DCDC2C: variants seen among roughly 807,000 people sequenced by gnomAD.
DCDC2C encodes the protein doublecortin domain containing 2C, also known as doublecortin domain-containing protein 2C.
DCDC2C carries 44 observed loss-of-function variants against 45.0 expected under a neutral mutation model. The observed-to-expected ratio is 0.98, with a 90% confidence interval of 0.77 to 1.26. The LOEUF (loss-of-function observed/expected upper bound fraction) is 1.26. DCDC2C is among the 50% of genes most tolerant of loss of function. The pLI, the probability that DCDC2C is intolerant of heterozygous loss-of-function variation, is 0.00. For synonymous variants in DCDC2C, 187 were observed against 178.8 expected, an observed-to-expected ratio of 1.05 and a Z score of -0.37; for missense variants, 447 against 468.9, an observed-to-expected ratio of 0.95 and a Z score of 0.43.
intron 1 of DCDC2C, 51 bp downstream of exon 1, chr2:3,704,089 G>A (rs1419031430): frequency 1.6e-6 from 2 of 1,229,104 alleles, no homozygotes; most frequent in Admixed American, 4.2e-5. Context: ...CCGCCCTCTT[G>A]GGTCTGAGCG....
chr2:3,742,376 T>G (rs1385078382), intron 4 of DCDC2C, among the ~76,000 whole-genome samples: 1 of 152,160 alleles, frequency 6.6e-6, no homozygotes, highest in East Asian at 1.9e-4. Flanking sequence ...GTTGGTATAA[T>G]GAGGCCTCTC....
At chr2:3,812,318 T>C (rs961815262) in intron 10 of DCDC2C, among the ~76,000 whole-genome samples, 2 of 152,116 alleles carry the variant, frequency 1.3e-5, no homozygotes, top group African/African-American at 4.8e-5. Context: ...TCAGAGCATG[T>C]ATGTGTCTAG....
In DCDC2C at chr2:3,769,308, C is replaced by T. The variant is rs956364304; in HGVS notation, c.854-3C>T. The T allele has an allele frequency of 4.5e-6, 7 of 1,549,050 alleles. No individual in the cohort carries two copies. The African/African-American group carries it at 8.2e-5, about 18-fold the overall frequency. The stretch of plus-strand genomic sequence containing the variant: ...AAAGTTTGTCTGTGTGATTTTCTCC[C>T]AGAAGGTGACGTGTATAAAGCACCG... On this transcript the variant is annotated splice_polypyrimidine_tract_variant and splice_region_variant and intron_variant, in intron 7 of 10. Coordinates refer to ENST00000399143, the MANE Select transcript of DCDC2C (RefSeq NM_001287444.2).
Position 3,719,415 on chromosome 2 carries a change from C to T in DCDC2C, c.340-7588C>T, listed in dbSNP as rs545614505. 4.6e-5 allele frequency among the ~76,000 whole-genome samples: 7 copies of T among 152,328 alleles called. No homozygotes were observed. In the East Asian group the frequency reaches 7.7e-4, roughly 17 times the overall value. The stretch of plus-strand genomic sequence containing the variant: ...TTTTCATTTTCCAGGGGCTCTTTCC[C>T]GCTGCCTCCCAAGCCTCTGGCTGTC... On this transcript the variant is annotated intron_variant, in intron 2 of 10. Coordinates refer to ENST00000399143, the MANE Select transcript of DCDC2C (RefSeq NM_001287444.2).
intron 6 of DCDC2C, among the ~76,000 whole-genome samples, chr2:3,758,074 A>G (rs1669771110): frequency 6.6e-6 from 1 of 152,236 alleles, no homozygotes; most frequent in South Asian, 2.1e-4. Flanking sequence ...TACTGATGGA[A>G]TAAATTGTAT....
rs578242913 is a variant in DCDC2C at position 3,815,288 on chromosome 2, T to A, written c.1065+30188T>A. ...TTTGCTGGTGGGGAGGGGGCTCCCCTGCCCTGTGTGGCTCTCAGGTGAGCC... is the reference window on the plus strand; with the variant it reads ...TTTGCTGGTGGGGAGGGGGCTCCCCAGCCCTGTGTGGCTCTCAGGTGAGCC... On this transcript the variant is annotated intron_variant, in intron 10 of 10. Coordinates refer to ENST00000399143, the MANE Select transcript of DCDC2C (RefSeq NM_001287444.2). Among the ~76,000 whole-genome samples the A allele has an allele frequency of 2.0e-5, 3 of 152,336 alleles. No individual in the cohort carries two copies. In the South Asian group the frequency reaches 6.2e-4, roughly 32 times the overall value.
At chr2:3,811,616 A>C (rs1230823021) in intron 10 of DCDC2C, among the ~76,000 whole-genome samples, 1 of 152,082 alleles carries the variant, frequency 6.6e-6, no homozygotes, top group Admixed American at 6.6e-5. Flanking sequence ...CCAATACTAT[A>C]TTGAATAGAA....
chr2:3,709,019 C>T (rs1050764198), intron 2 of DCDC2C, among the ~76,000 whole-genome samples: 1 of 152,168 alleles, frequency 6.6e-6, no homozygotes, highest in Non-Finnish European at 1.5e-5. Context: ...TTTATTAGGT[C>T]TACAGGACAG....
chr2:3,771,416 C>T (rs551530683), intron 8 of DCDC2C, among the ~76,000 whole-genome samples: 91 of 152,354 alleles, frequency 6.0e-4, no homozygotes, highest in African/African-American at 2.1e-3. Context: ...TTGCCCAAAC[C>T]GCGTTCTGCA....
intron 10 of DCDC2C, among the ~76,000 whole-genome samples, chr2:3,806,302 CTCCT>C (rs1304182122): frequency 1.3e-5 from 2 of 152,232 alleles, no homozygotes; most frequent in East Asian, 3.8e-4. Context: ...GTTTTGGTCT[CTCCT>C]CTCCCTGGAA....
intron 10 of DCDC2C, among the ~76,000 whole-genome samples, chr2:3,836,340 C>A (rs1262678411): frequency 6.6e-6 from 1 of 152,156 alleles, no homozygotes; most frequent in Admixed American, 6.5e-5. Context: ...TAAGGGAAGA[C>A]TGAGAAGCTG....
rs982304517 is a variant in DCDC2C, at chr2:3,725,786, C to T, written c.340-1217C>T. Among the ~76,000 whole-genome samples the T allele has an allele frequency of 5.3e-5, 8 of 150,508 alleles. 1 individual carries two copies. The South Asian group carries it at 1.5e-3, about 28-fold the overall frequency. ...GTGATGAGGGTGGCCAGGTGGATCC[C>T]GGAGGGAGATGAGTAGAGAGTGATA... On this transcript the variant is annotated intron_variant, in intron 2 of 10. Coordinates refer to ENST00000399143, the MANE Select transcript of DCDC2C (RefSeq NM_001287444.2).
At position 3,703,867 on chromosome 2, in the gene DCDC2C, G is replaced by C; in HGVS notation, c.116G>C (p.Arg39Pro). The change falls in exon 1 of 11, where the codon CGC (arginine) becomes CCC (proline). Residue 39 changes from arginine to proline, a missense_variant. Transcript: ENST00000399143. This position sits in a 1 kb window ranked among gnomAD's most constrained non-coding sequence, Gnocchi z 4.4. ...VGKKFVLSRR[R>P]AATFEALLEQ... ...AAGAAGTTCGTGCTGTCGCGGCGCC[G>C]CGCGGCCACCTTCGAGGCGCTGCTG... is the stretch of plus-strand genomic sequence containing the variant. The C allele has an allele frequency of 7.7e-7, 1 of 1,292,868 alleles. No individual in the cohort carries two copies. Among genetic ancestry groups the C allele is most frequent in the Non-Finnish European group, 9.8e-7 (1 of 1,015,644 alleles). 80.1% of individuals were successfully genotyped at this position (1,292,868 alleles called of 1,614,324 possible).
intron 8 of DCDC2C, 77 bp downstream of exon 8, chr2:3,769,488 C>T: frequency 7.8e-7 from 1 of 1,281,940 alleles, no homozygotes; most frequent in Non-Finnish European, 1.1e-6. Context: ...CGTCATCCTT[C>T]ACCCTCTCCC....
rs557671109 is a variant in DCDC2C, at chr2:3,765,105, A to C, written c.727-2649A>C. 3.3e-5 allele frequency among the ~76,000 whole-genome samples: 5 copies of C among 152,210 alleles called. No individual in the cohort carries two copies. The South Asian group carries it at 1.0e-3, about 32-fold the overall frequency. ...GAAACCTCCCAAATAGTTCAGATAA[A>C]ATATGTACTTAATATAGATATTGGC... On this transcript the variant is annotated intron_variant, in intron 6 of 10. Coordinates refer to ENST00000399143, the MANE Select transcript of DCDC2C (RefSeq NM_001287444.2).
At chr2:3,748,409 A>G (rs1669438137) in intron 4 of DCDC2C, among the ~76,000 whole-genome samples, 1 of 146,926 alleles carries the variant, frequency 6.8e-6, no homozygotes, top group Non-Finnish European at 1.5e-5. Flanking sequence ...GGGAGGGGAG[A>G]GGAGGGAGAA....
At position 3,703,994 on chromosome 2, in the gene DCDC2C, C is replaced by A. The variant is rs1300049972; in HGVS notation, c.243C>A (p.Gly81=). The part of the protein sequence containing the change: ...RVLGLDALQA[G]GKYVAAGRER... ...TGGGGCTGGACGCGCTGCAGGCGGG[C>A]GGCAAGTACGTGGCGGCGGGCCGCG... The change falls in exon 1 of 11, where the codon GGC becomes GGA. Residue 81 remains glycine, a synonymous_variant. Transcript: ENST00000399143. The surrounding 1 kb of genome is among the most constrained non-coding windows in gnomAD (Gnocchi z 4.4). 4 of 1,292,614 alleles carry A rather than the reference C, an allele frequency of 3.1e-6. No individual in the cohort carries two copies. The highest frequency in any genetic ancestry group is 4.2e-5 in the Admixed American group (1 of 23,942). 80.1% of individuals were successfully genotyped at this position (1,292,614 alleles called of 1,614,324 possible).
At chr2:3,827,422 G>A (rs907479969) in intron 10 of DCDC2C, among the ~76,000 whole-genome samples, 10 of 152,166 alleles carry the variant, frequency 6.6e-5, no homozygotes, top group Admixed American at 6.5e-4. Context: ...TGGAGTGAGA[G>A]CTCTCTGGGT....
intron 10 of DCDC2C, among the ~76,000 whole-genome samples, chr2:3,807,982 C>T (rs1671296354): frequency 6.6e-6 from 1 of 152,128 alleles, no homozygotes; most frequent in South Asian, 2.1e-4. Flanking sequence ...TTGGGTCCAA[C>T]TTTTGAATAT....
Sources: gnomAD v4.1 joint callset for allele counts (sites outside exome capture counted in the v4.1 genomes callset) on GRCh38, gnomAD v4.1.1 for gene constraint, Gnocchi (gnomAD v3.1) non-coding constraint, MANE v1.5 for transcripts, NCBI Gene and HGNC (gene_info 2026-07-23, HGNC 2026-07-21) for gene names.